The following KLC1 variants were observed in gnomAD, a reference collection of about 807,000 sequenced individuals.
The protein encoded by KLC1 is kinesin light chain 1, also known as kinesin 2 60/70kDa.
KLC1 carries 30 observed loss-of-function variants against 84.2 expected under a neutral mutation model. The ratio of observed to expected loss-of-function variants is 0.36; its 90% CI spans 0.27 to 0.48. KLC1 has a LOEUF of 0.48. KLC1 is among the 20% of genes least tolerant of loss of function. KLC1 has a pLI of 0.99. For synonymous variants in KLC1, 289 were observed against 293.3 expected (o/e 0.99, Z 0.15); for missense variants, 499 against 805.4 (o/e 0.62, Z 4.60).
intron 5 of KLC1, among the ~76,000 whole-genome samples, chr14:103,666,057 C>A (rs2151617603): frequency 6.6e-6 from 1 of 152,048 alleles, no homozygotes; most frequent in South Asian, 2.1e-4. Flanking sequence ...AATTTGAGTT[C>A]TTGGTGGGCT....
chr14:103,679,218 C>A, intron 12 of KLC1, 166 bp from the exon 13 acceptor site: 1 of 821,744 alleles, frequency 1.2e-6, no homozygotes, highest in Non-Finnish European at 1.9e-6. Context: ...GTTTCCAGTT[C>A]CCCGCCTCCA....
At chr14:103,670,392 G>T in intron 7 of KLC1, 109 bp downstream of exon 7, 1 of 676,728 alleles carries the variant, frequency 1.5e-6, no homozygotes, top group Non-Finnish European at 2.4e-6. Context: ...GCTGGAGTGC[G>T]GTGGCGTGAT....
intron 13 of KLC1, chr14:103,685,343 T>G: frequency 7.9e-7 from 1 of 1,258,026 alleles, no homozygotes; most frequent in Non-Finnish European, 1.0e-6. Context: ...TTACACCAAG[T>G]GTCAAGGAGA....
At chr14:103,658,684 G>A (rs1447815179) in intron 3 of KLC1, among the ~76,000 whole-genome samples, 12 of 130,094 alleles carry the variant, frequency 9.2e-5, no homozygotes, top group African/African-American at 2.7e-4. Context: ...TTGAGATGGA[G>A]TCTCACTCTG....
chr14:103,691,470 T>TTC lies in KLC1; in HGVS notation c.1782-888_1782-887insCT, dbSNP rs1323900896. On this transcript the variant is annotated intron_variant, in intron 14 of 16. Coordinates refer to ENST00000334553, the MANE Select transcript of KLC1 (RefSeq NM_001394837.1). ...CCACCACGCCTGGCTTTTTTTTTTT[T>TTC]TTTTTTTTTTTTTTTTGGTAGGTGG... Among the ~76,000 whole-genome samples the TTC allele has an allele frequency of 2.2e-5, 3 of 137,722 alleles. No individual in the cohort carries two copies. In the East Asian group the frequency reaches 6.4e-4, roughly 30 times the overall value. The allele number at this position is 137,722 out of a possible 152,430, so 90.4% of individuals were successfully genotyped here.
chr14:103,657,531 T>C lies in KLC1; in HGVS notation c.262-15T>C, dbSNP rs757509883. ...ACAACGTGCCACAGTGCTGCACACGTTTCTGTCTGCTCAGGTTATGATGGC... is the reference window on the plus strand; with the variant it reads ...ACAACGTGCCACAGTGCTGCACACGCTTCTGTCTGCTCAGGTTATGATGGC... On this transcript the variant is annotated splice_polypyrimidine_tract_variant and intron_variant, in intron 2 of 16. Coordinates refer to ENST00000334553, the MANE Select transcript of KLC1 (RefSeq NM_001394837.1). 1.9e-6 allele frequency: 3 copies of C among 1,607,838 alleles called. No individual in the cohort carries two copies. In the East Asian group the frequency reaches 6.7e-5, roughly 36 times the overall value.
At chr14:103,630,555 C>T (rs565630673) in intron 1 of KLC1, among the ~76,000 whole-genome samples, 61 of 152,148 alleles carry the variant, frequency 4.0e-4, no homozygotes, top group African/African-American at 1.4e-3. Context: ...TACGGCATGA[C>T]TAAGCCATTG....
chr14:103,680,785 A>G (rs1340865789), intron 13 of KLC1, among the ~76,000 whole-genome samples: 3 of 152,186 alleles, frequency 2.0e-5, no homozygotes, highest in South Asian at 2.1e-4. Context: ...CTTCGTATAG[A>G]AGGACAAGTC....
At chr14:103,695,041 C>T in intron 15 of KLC1, 5 of 985,330 alleles carry the variant, frequency 5.1e-6, no homozygotes, top group Non-Finnish European at 6.0e-6. Flanking sequence ...GCTCCTGACT[C>T]CATTCTTGCA....
chr14:103,676,995 G>A (rs566852150), intron 11 of KLC1, among the ~76,000 whole-genome samples: 9 of 152,290 alleles, frequency 5.9e-5, no homozygotes, highest in Middle Eastern at 3.4e-3. Flanking sequence ...GTCTTCTCCC[G>A]GGTACTTGAG....
At chr14:103,696,616 C>T (rs1380347549) in intron 15 of KLC1, 2 of 985,410 alleles carry the variant, frequency 2.0e-6, no homozygotes, top group African/African-American at 1.7e-5. Context: ...CTTACCAGCT[C>T]TGACCGTGTC....
chr14:103,669,479 C>T, intron 5 of KLC1, 32 bp from the exon 6 acceptor site: 1 of 1,217,618 alleles, frequency 8.2e-7, no homozygotes. Context: ...TGATCTACAT[C>T]TGAAACACTT....
Position 103,679,449 on chromosome 14 carries a change from G to A in KLC1, c.1554G>A (p.Lys518=), listed in dbSNP as rs758575164. 25 of 1,614,212 alleles carry A rather than the reference G, an allele frequency of 1.5e-5. No homozygotes were observed. In the South Asian group the frequency reaches 2.5e-4, roughly 16 times the overall value. The change falls in exon 13 of 17, where the codon AAG becomes AAA. Residue 518 remains lysine (K), a synonymous_variant. Coordinates refer to ENST00000334553, the MANE Select transcript of KLC1 (RefSeq NM_001394837.1). ...EVLNDPENME[K]RRSRESLNVD... is the part of the protein sequence containing the mutation. The stretch of plus-strand genomic sequence containing the variant: ...TCAATGACCCTGAGAACATGGAGAA[G>A]CGCAGGAGCCGTGAGAGCCTCAACG...
At chr14:103,682,516 C>G (rs1252763907) in intron 13 of KLC1, 1 of 151,744 alleles carries the variant, frequency 6.6e-6, no homozygotes, top group Non-Finnish European at 1.5e-5. Flanking sequence ...GAAACTCTAT[C>G]TCTACTAAAA....
chr14:103,637,028 C>T (rs2077096344), intron 1 of KLC1, among the ~76,000 whole-genome samples: 1 of 150,580 alleles, frequency 6.6e-6, no homozygotes, highest in Non-Finnish European at 1.5e-5. Context: ...CCACGCCCAG[C>T]AGTTCCTTAC....
intron 14 of KLC1, among the ~76,000 whole-genome samples, chr14:103,689,575 CAG>C (rs948025690): frequency 1.7e-4 from 26 of 152,182 alleles, no homozygotes; most frequent in African/African-American, 6.0e-4. Context: ...TTTGTTCAGA[CAG>C]AGACTGTGAG....
At chr14:103,689,238 C>T (rs995757600) in intron 14 of KLC1, among the ~76,000 whole-genome samples, 1 of 152,166 alleles carries the variant, frequency 6.6e-6, no homozygotes, top group Non-Finnish European at 1.5e-5. Flanking sequence ...GAGTCCAGTT[C>T]TGGTGCTGAG....
At chr14:103,682,703 A>G (rs921278137) in intron 13 of KLC1, 14 of 151,928 alleles carry the variant, frequency 9.2e-5, no homozygotes, top group African/African-American at 2.7e-4. Flanking sequence ...GAAAAAAGAA[A>G]AAACAACTAT....
chr14:103,634,779 C>T (rs1161300528), intron 1 of KLC1, among the ~76,000 whole-genome samples: 1 of 151,850 alleles, frequency 6.6e-6, no homozygotes, highest in African/African-American at 2.4e-5. Context: ...GGGGGTCTCA[C>T]TGTGTTTCCC....
Sources: gnomAD v4.1 joint callset for allele counts (sites outside exome capture counted in the v4.1 genomes callset) on GRCh38, gnomAD v4.1.1 for gene constraint, MANE v1.5 for transcripts, NCBI Gene and HGNC (gene_info 2026-07-23, HGNC 2026-07-21) for gene names.